Variants in SGCD observed in about 807,000 individuals in gnomAD.
The protein encoded by SGCD is sarcoglycan delta, also known as delta-sarcoglycan.
Under a neutral mutation model 36.6 loss-of-function variants are expected in SGCD, and 18 were observed. That is an observed-to-expected ratio of 0.49 (90% CI 0.34 to 0.73). SGCD has a LOEUF of 0.73. Among genes scored for constraint, SGCD ranks in the 30% least tolerant of loss-of-function variants. The pLI is 0.01. For synonymous variants in SGCD, 133 were observed against 130.6 expected (o/e 1.02, Z -0.12); for missense variants, 387 against 346.7 (o/e 1.12, Z -0.92).
intron 1 of SGCD, among the ~76,000 whole-genome samples, chr5:156,072,408 A>G (rs967472653): frequency 6.6e-6 from 1 of 152,078 alleles, no homozygotes; most frequent in East Asian, 1.9e-4. Context: ...TTGGCTGGAT[A>G]TGAAATTCTG....
chr5:156,354,118 A>G (rs1238251221), intron 3 of SGCD, among the ~76,000 whole-genome samples: 2 of 152,252 alleles, frequency 1.3e-5, no homozygotes, highest in African/African-American at 4.8e-5. Flanking sequence ...AAGAAAACAC[A>G]TGTATAATTT....
chr5:156,761,496 T>C lies in SGCD; in HGVS notation c.*2106T>C, dbSNP rs965560241. On this transcript the variant is annotated 3_prime_UTR_variant, in exon 9 of 9. Transcript: ENST00000337851. Reference sequence around the variant, plus strand: ...TAGGGCCATGTTGCCAGAATCTGTATGTATCAATACAGGGTTTTTCCAAGC... The same window carrying C: ...TAGGGCCATGTTGCCAGAATCTGTACGTATCAATACAGGGTTTTTCCAAGC... 6.6e-6 allele frequency: 1 copy of C among 152,212 alleles called. No individual in the cohort carries two copies. Among genetic ancestry groups the C allele is most frequent in the African/African-American group, 2.4e-5 (1 of 41,448 alleles). The allele number at this position is 152,212 out of a possible 1,614,324, so 9.4% of individuals were successfully genotyped here.
At chr5:156,212,110 T>C (rs549131310) in intron 3 of SGCD, among the ~76,000 whole-genome samples, 1 of 152,266 alleles carries the variant, frequency 6.6e-6, no homozygotes, top group South Asian at 2.1e-4. Flanking sequence ...ACAAAGGACC[T>C]ACAAAACAAT....
At chr5:155,855,975 T>TTA in the SGCD span, among the ~76,000 whole-genome samples, 2 of 152,222 alleles carry the variant, frequency 1.3e-5, no homozygotes, top group Admixed American at 1.3e-4. Context: ...GGAAAAGATC[T>TTA]TATATATATT....
At chr5:156,334,353 A>G (rs1208112499) in intron 2 of SGCD, among the ~76,000 whole-genome samples, 1 of 152,230 alleles carries the variant, frequency 6.6e-6, no homozygotes, top group Non-Finnish European at 1.5e-5. Context: ...TGAAAATGAC[A>G]CCATTAAATC....
chr5:156,740,965 T>C (rs957432728), intron 7 of SGCD, among the ~76,000 whole-genome samples: 6 of 152,224 alleles, frequency 3.9e-5, no homozygotes, highest in African/African-American at 1.4e-4. Flanking sequence ...GTCATAACTT[T>C]CTCTGATTAT....
At chr5:155,771,959 A>G in the SGCD span, among the ~76,000 whole-genome samples, 2 of 152,194 alleles carry the variant, frequency 1.3e-5, no homozygotes, top group African/African-American at 2.4e-5. Flanking sequence ...GATTTTTAAG[A>G]AGATATAATT....
intron 1 of SGCD, among the ~76,000 whole-genome samples, chr5:156,024,967 A>T (rs1337752724): frequency 1.3e-5 from 2 of 152,186 alleles, no homozygotes; most frequent in Non-Finnish European, 1.5e-5. Context: ...CAAAAAAAAA[A>T]AAAAAGAAAT....
chr5:156,191,656 T>C (rs1325671825), intron 3 of SGCD, among the ~76,000 whole-genome samples: 2 of 152,300 alleles, frequency 1.3e-5, no homozygotes, highest in African/African-American at 4.8e-5. Flanking sequence ...CTCTTTTGTT[T>C]CTGAGCTTAG....
chr5:156,626,428 A>G (rs888206653), intron 6 of SGCD, among the ~76,000 whole-genome samples: 3 of 152,232 alleles, frequency 2.0e-5, no homozygotes, highest in African/African-American at 7.2e-5. Flanking sequence ...CTGGTCACAA[A>G]GTATTGACAG....
the SGCD span, among the ~76,000 whole-genome samples, chr5:155,771,565 C>T: frequency 1.3e-5 from 2 of 151,946 alleles, no homozygotes; most frequent in South Asian, 2.1e-4. Flanking sequence ...GTATTACAGG[C>T]GTGCGTCAAT....
At chr5:156,529,811 C>G (rs557972785) in intron 4 of SGCD, among the ~76,000 whole-genome samples, 1 of 152,292 alleles carries the variant, frequency 6.6e-6, no homozygotes, top group East Asian at 1.9e-4. Flanking sequence ...ATGCAGCACT[C>G]TATAAATTAT....
chr5:155,908,819 T>C lies in SGCD; in HGVS notation c.-282+38395T>C, dbSNP rs146681632. ...TTAACTAAATTGACCCACTTGAGCATGTCTGTCTGTTTTGTCAGGTGGCAA... is the reference window on the plus strand; with the variant it reads ...TTAACTAAATTGACCCACTTGAGCACGTCTGTCTGTTTTGTCAGGTGGCAA... On this transcript the variant is annotated intron_variant, in intron 1 of 9. Transcript: ENST00000517913. 5.5e-3 allele frequency among the ~76,000 whole-genome samples: 838 copies of C among 152,260 alleles called. 1 individual carries two copies. The highest frequency in any genetic ancestry group is 8.3e-3 in the Non-Finnish European group (561 of 68,000).
intron 3 of SGCD, among the ~76,000 whole-genome samples, chr5:156,429,774 T>A (rs2127786815): frequency 6.6e-6 from 1 of 152,292 alleles, no homozygotes; most frequent in East Asian, 1.9e-4. Flanking sequence ...CCTTCATTTA[T>A]AAAGCCTAGT....
intron 3 of SGCD, among the ~76,000 whole-genome samples, chr5:156,491,751 T>C (rs377007533): frequency 6.6e-6 from 1 of 152,180 alleles, no homozygotes; most frequent in East Asian, 1.9e-4. Context: ...TACCAAACTA[T>C]GCCCAACATG....
intron 3 of SGCD, among the ~76,000 whole-genome samples, chr5:156,267,814 T>G (rs1766041902): frequency 6.6e-6 from 1 of 152,222 alleles, no homozygotes; most frequent in Admixed American, 6.5e-5. Context: ...AAAGTTCACA[T>G]TATAATTCAA....
chr5:155,880,638 C>T (rs544900604), intron 1 of SGCD, among the ~76,000 whole-genome samples: 2 of 152,074 alleles, frequency 1.3e-5, no homozygotes, highest in African/African-American at 2.4e-5. Context: ...TAAAGAAATG[C>T]TATTATTTAC....
chr5:155,929,589 T>A (rs1757061566), intron 1 of SGCD, among the ~76,000 whole-genome samples: 1 of 152,126 alleles, frequency 6.6e-6, no homozygotes, highest in African/African-American at 2.4e-5. Flanking sequence ...CCCCACATTT[T>A]CCCCTAAGTT....
At chr5:156,364,227 T>C (rs1297722983) in intron 3 of SGCD, among the ~76,000 whole-genome samples, 3 of 152,170 alleles carry the variant, frequency 2.0e-5, no homozygotes, top group Non-Finnish European at 2.9e-5. Context: ...TCCCTCAAAA[T>C]GGTCAGTATA....
Sources: gnomAD v4.1 joint callset for allele counts (sites outside exome capture counted in the v4.1 genomes callset) on GRCh38, gnomAD v4.1.1 for gene constraint, MANE v1.5 for transcripts, NCBI Gene and HGNC (gene_info 2026-07-23, HGNC 2026-07-21) for gene names.